The following TMEM260 variants were observed in gnomAD, a reference collection of about 807,000 sequenced individuals.
TMEM260 encodes the protein transmembrane protein 260.
TMEM260 carries 82 observed loss-of-function variants against 88.9 expected under a neutral mutation model. The ratio of observed to expected loss-of-function variants is 0.92; its 90% CI spans 0.77 to 1.11. The LOEUF (loss-of-function observed/expected upper bound fraction) is 1.11, where lower values mean the gene tolerates loss of function less well. Ranked by LOEUF, TMEM260 falls within the 50% of genes least tolerant of loss-of-function variation. TMEM260 has a pLI of 0.00. For missense variants in TMEM260, 902 were observed against 853.4 expected, an observed-to-expected ratio of 1.06 and a Z score of -0.71; for synonymous variants, 314 against 309.3, an observed-to-expected ratio of 1.02 and a Z score of -0.16.
chr14:56,592,238 A>G (rs1325607938), intron 3 of TMEM260, among the ~76,000 whole-genome samples: 1 of 152,338 alleles, frequency 6.6e-6, no homozygotes, highest in South Asian at 2.1e-4. Flanking sequence ...TTGCAAATTC[A>G]TTAAAGATGG....
At chr14:56,637,888 A>G (rs1032226129) in intron 15 of TMEM260, among the ~76,000 whole-genome samples, 3 of 152,116 alleles carry the variant, frequency 2.0e-5, no homozygotes, top group African/African-American at 7.2e-5. Flanking sequence ...CTAGAGAGGG[A>G]GATGGAAGAT....
At chr14:56,586,581 A>T (rs1343033991) in intron 3 of TMEM260, among the ~76,000 whole-genome samples, 3 of 152,160 alleles carry the variant, frequency 2.0e-5, no homozygotes, top group Non-Finnish European at 4.4e-5. Context: ...AACTCAGTGC[A>T]TCCTATACCT....
At chr14:56,632,376 C>T (rs1888675466) in intron 12 of TMEM260, among the ~76,000 whole-genome samples, 2 of 152,124 alleles carry the variant, frequency 1.3e-5, no homozygotes, top group Non-Finnish European at 2.9e-5. Flanking sequence ...GAAGGGCTCC[C>T]CTCTCTCAGA....
chr14:56,649,902 G>T (rs1426258552), downstream of TMEM260, among the ~76,000 whole-genome samples: 3 of 152,198 alleles, frequency 2.0e-5, no homozygotes, highest in East Asian at 5.8e-4. Flanking sequence ...GGATCATAAT[G>T]ATTTAAGTTT....
rs781704888 is a variant in TMEM260 at position 56,633,157 on chromosome 14, C to T, written c.1710C>T (p.Thr570=). The change falls in exon 13 of 16, where the codon ACC becomes ACT. Residue 570 remains threonine, a synonymous_variant. Transcript: ENST00000261556. ...IKLTKSIYNW[T]EEYGRFDPSS... ...TTACAAAAAGTATCTATAACTGGAC[C>T]GAAGAATATGGAAGGTATGAACAGC... 18 of 1,611,288 alleles carry T rather than the reference C, an allele frequency of 1.1e-5. No individual in the cohort carries two copies. The highest frequency in any genetic ancestry group is 7.7e-5 in the South Asian group (7 of 90,796).
intron 1 of TMEM260, among the ~76,000 whole-genome samples, chr14:56,583,600 A>G (rs1245867183): frequency 6.6e-6 from 1 of 152,114 alleles, no homozygotes; most frequent in Non-Finnish European, 1.5e-5. Context: ...ATATAAGGCC[A>G]TCTAAAGTGC....
downstream of TMEM260, among the ~76,000 whole-genome samples, chr14:56,651,582 A>G (rs181428894): frequency 6.6e-6 from 1 of 152,348 alleles, no homozygotes; most frequent in African/African-American, 2.4e-5. Context: ...CATTGCGATG[A>G]TATTACAAGG....
At chr14:56,597,186 A>G (rs1335267270) in intron 3 of TMEM260, among the ~76,000 whole-genome samples, 1 of 152,190 alleles carries the variant, frequency 6.6e-6, no homozygotes, top group African/African-American at 2.4e-5. Flanking sequence ...AACATCCCTA[A>G]TCAAAAAATC....
At chr14:56,617,891 G>A (rs932614893) in intron 9 of TMEM260, among the ~76,000 whole-genome samples, 6 of 152,202 alleles carry the variant, frequency 3.9e-5, no homozygotes, top group African/African-American at 1.4e-4. Context: ...AGGTAATACA[G>A]TACAACGGGT....
downstream of TMEM260, among the ~76,000 whole-genome samples, chr14:56,654,249 T>A (rs1566588856): frequency 6.6e-6 from 1 of 152,080 alleles, no homozygotes; most frequent in Non-Finnish European, 1.5e-5. Context: ...GGTTTTAGTG[T>A]GACAAGAAAA....
chr14:56,588,056 T>A (rs1432994390), intron 3 of TMEM260, among the ~76,000 whole-genome samples: 4 of 152,082 alleles, frequency 2.6e-5, no homozygotes, highest in African/African-American at 9.6e-5. Flanking sequence ...GTACAATAAA[T>A]GTGTTTCTTT....
At chr14:56,614,260 GT>G (rs1275558051) in intron 7 of TMEM260, among the ~76,000 whole-genome samples, 1 of 146,200 alleles carries the variant, frequency 6.8e-6, no homozygotes, top group Non-Finnish European at 1.5e-5. Context: ...TGCACCTGTA[GT>G]TGCAGCTACT....
intron 3 of TMEM260, 143 bp downstream of exon 3, chr14:56,586,055 T>C: frequency 1.1e-6 from 1 of 903,378 alleles, no homozygotes. Flanking sequence ...TATAATACTT[T>C]CATATGCATT....
chr14:56,594,231 T>C (rs10139142), intron 3 of TMEM260, among the ~76,000 whole-genome samples: 17,305 of 151,694 alleles, frequency 0.11, 1,589 homozygotes, highest in African/African-American at 0.25. Context: ...TATCATAAAG[T>C]GTTCTCAAGT....
At chr14:56,582,856 G>A (rs1378300047) in intron 1 of TMEM260, among the ~76,000 whole-genome samples, 3 of 152,084 alleles carry the variant, frequency 2.0e-5, no homozygotes, top group East Asian at 3.8e-4. Flanking sequence ...ATTTAGAGAC[G>A]TTGAATGGGG....
At chr14:56,641,518 C>T (rs4326960) in intron 15 of TMEM260, among the ~76,000 whole-genome samples, 5,637 of 152,180 alleles carry the variant, frequency 0.037, 164 homozygotes, top group East Asian at 0.15. Flanking sequence ...GAAAGAAGCA[C>T]TAAACATGGA....
chr14:56,622,065 C>T (rs1038473888), intron 11 of TMEM260, among the ~76,000 whole-genome samples: 17 of 152,152 alleles, frequency 1.1e-4, no homozygotes, highest in Admixed American at 2.6e-4. Context: ...ACATTCAGGC[C>T]GGGCGCAGTG....
chr14:56,588,082 TATCAGA>T (rs1885623432), intron 3 of TMEM260, among the ~76,000 whole-genome samples: 1 of 152,098 alleles, frequency 6.6e-6, no homozygotes, highest in Non-Finnish European at 1.5e-5. Context: ...TTGACTCCCT[TATCAGA>T]ATTTGTTTAG....
intron 12 of TMEM260, among the ~76,000 whole-genome samples, chr14:56,632,650 G>C (rs557272665): frequency 2.0e-5 from 3 of 152,054 alleles, no homozygotes; most frequent in African/African-American, 4.8e-5. Flanking sequence ...GGGTCTTGCT[G>C]TGTTGCCCAG....
Sources: allele counts gnomAD v4.1 joint callset (sites outside exome capture counted in the v4.1 genomes callset), GRCh38; gene constraint gnomAD v4.1.1; transcripts MANE v1.5; gene names NCBI Gene and HGNC (gene_info 2026-07-23, HGNC 2026-07-21).